The following OSBPL2 variants were observed in gnomAD, a reference collection of about 807,000 sequenced individuals.
OSBPL2 encodes oxysterol binding protein like 2, also known as oxysterol-binding protein-related protein 2.
A neutral mutation model predicts 58.4 loss-of-function variants in OSBPL2; 18 were observed. The observed-to-expected ratio is 0.31, with a 90% CI of 0.21 to 0.46. The LOEUF is 0.46. Ranked by LOEUF, OSBPL2 falls within the 20% of genes least tolerant of loss-of-function variation. OSBPL2 has a pLI of 1.00. For synonymous variants in OSBPL2, 221 were observed against 234.1 expected (o/e 0.94, Z 0.51); for missense variants, 461 against 616.5 (o/e 0.75, Z 2.67).
At chr20:62,246,659 G>A (rs1039262419) in intron 1 of OSBPL2, among the ~76,000 whole-genome samples, 3 of 152,254 alleles carry the variant, frequency 2.0e-5, no homozygotes, top group Middle Eastern at 6.8e-3. Flanking sequence ...GGTCACTCCT[G>A]CCCCAGGGCT....
chr20:62,256,255 G>A (rs1370361831), intron 2 of OSBPL2, 34 bp downstream of exon 2: 1 of 1,591,152 alleles, frequency 6.3e-7, no homozygotes, highest in Admixed American at 1.7e-5. Context: ...GGGACGTACT[G>A]GAAGGGTGAA....
chr20:62,290,101 C>T (rs1024122813), intron 12 of OSBPL2, among the ~76,000 whole-genome samples: 2 of 152,204 alleles, frequency 1.3e-5, no homozygotes, highest in African/African-American at 4.8e-5. Flanking sequence ...TCCCGGTGGG[C>T]TCTGTGCTTG....
intron 6 of OSBPL2, among the ~76,000 whole-genome samples, chr20:62,275,758 T>G (rs570953684): frequency 6.6e-6 from 1 of 152,288 alleles, no homozygotes; most frequent in African/African-American, 2.4e-5. Context: ...CAAGTCATAG[T>G]TTCATTTGCA....
At chr20:62,277,519 G>A (rs902532068) in intron 6 of OSBPL2, among the ~76,000 whole-genome samples, 4 of 152,210 alleles carry the variant, frequency 2.6e-5, no homozygotes, top group Non-Finnish European at 5.9e-5. Context: ...CATGTGCTGT[G>A]TGTCTGTGAG....
At position 62,269,746 on chromosome 20, in the gene OSBPL2, T is replaced by G. The variant is rs917912056; in HGVS notation, c.259-2379T>G. On this transcript the variant is annotated intron_variant, in intron 4 of 13. Transcript: ENST00000313733. This position sits in a 1 kb window ranked among gnomAD's most constrained non-coding sequence, Gnocchi z 4.2. ...TGCTCATTCTTTCGGGGCTTCCTTC[T>G]TTCTCTGCCACGTGTTCTTGCAGTG... Among the ~76,000 whole-genome samples, 1 of 152,236 alleles carries G rather than the reference T, an allele frequency of 6.6e-6. No homozygotes were observed. The highest frequency in any genetic ancestry group is 1.5e-5 in the Non-Finnish European group (1 of 68,038).
In OSBPL2 at chr20:62,296,113, T is replaced by C. The variant is rs1983842586; in HGVS notation, c.*2226T>C. ...TCTGCAAATGCTAACACATAAACCA[T>C]GACCTAACTTTTGTCACCTTGGATA... On this transcript the variant is annotated 3_prime_UTR_variant, in exon 14 of 14. Coordinates refer to ENST00000313733, the MANE Select transcript of OSBPL2 (RefSeq NM_144498.4). 1 of 152,268 alleles carries C rather than the reference T, an allele frequency of 6.6e-6. No homozygotes were observed. The highest frequency in any genetic ancestry group is 2.4e-5 in the African/African-American group (1 of 41,468). The allele number at this position is 152,268 out of a possible 1,614,324, so 9.4% of individuals were successfully genotyped here.
chr20:62,281,964 G>C (rs1324030754), intron 9 of OSBPL2, 85 bp downstream of exon 9: 2 of 806,494 alleles, frequency 2.5e-6, no homozygotes, highest in Non-Finnish European at 4.4e-6. Flanking sequence ...GGGCCTGCGT[G>C]TGCCTACGTG....
At position 62,269,573 on chromosome 20, in the gene OSBPL2, C is replaced by T. The variant is rs538236525; in HGVS notation, c.259-2552C>T. On this transcript the variant is annotated intron_variant, in intron 4 of 13. Transcript: ENST00000313733. The surrounding 1 kb of genome is among the most constrained non-coding windows in gnomAD (Gnocchi z 4.2). ...TCTCCCCCATGCTCAGGGCTGCCACCGGCCGCACTTCCCGGCCTCCCTGGT... is the reference window on the plus strand; with the variant it reads ...TCTCCCCCATGCTCAGGGCTGCCACTGGCCGCACTTCCCGGCCTCCCTGGT... Among the ~76,000 whole-genome samples, 20 of 152,334 alleles carry T rather than the reference C, an allele frequency of 1.3e-4. No homozygotes were observed. The East Asian group carries it at 3.5e-3, about 26-fold the overall frequency.
intron 4 of OSBPL2, 29 bp downstream of exon 4, chr20:62,263,720 G>C: frequency 6.3e-7 from 1 of 1,585,918 alleles, no homozygotes; most frequent in Non-Finnish European, 8.7e-7. Context: ...GTTCACACAT[G>C]GGGCTGCACC....
chr20:62,287,619 A>G (rs986001548), intron 11 of OSBPL2, among the ~76,000 whole-genome samples: 1 of 152,010 alleles, frequency 6.6e-6, no homozygotes, highest in Admixed American at 6.6e-5. Context: ...ACCATGCCAG[A>G]CTAATTTTCT....
At chr20:62,290,306 G>A (rs1036541165) in intron 12 of OSBPL2, among the ~76,000 whole-genome samples, 31 of 152,094 alleles carry the variant, frequency 2.0e-4, no homozygotes, top group Non-Finnish European at 4.3e-4. Context: ...TGTGATCTTG[G>A]CTCACTGCAG....
At chr20:62,283,343 A>G (rs904077362) in intron 9 of OSBPL2, among the ~76,000 whole-genome samples, 1 of 152,130 alleles carries the variant, frequency 6.6e-6, no homozygotes, top group Admixed American at 6.5e-5. Context: ...CACTGCAGTG[A>G]CACCGTCCCC....
At chr20:62,280,464 A>G (rs567025617) in intron 7 of OSBPL2, among the ~76,000 whole-genome samples, 1 of 152,260 alleles carries the variant, frequency 6.6e-6, no homozygotes, top group East Asian at 1.9e-4. Context: ...CCCCCAGGAA[A>G]TTGAGAGAAT....
chr20:62,266,510 A>G (rs1287112498), intron 4 of OSBPL2, among the ~76,000 whole-genome samples: 1 of 152,040 alleles, frequency 6.6e-6, no homozygotes, highest in East Asian at 1.9e-4. Context: ...ATCCGCAGTG[A>G]TTGGCTGTGG....
chr20:62,248,408 G>A (rs1409172618), intron 1 of OSBPL2, among the ~76,000 whole-genome samples: 6 of 151,958 alleles, frequency 3.9e-5, no homozygotes, highest in Non-Finnish European at 4.4e-5. Flanking sequence ...CGTCCACCTC[G>A]GCCTCCCAAA....
intron 7 of OSBPL2, among the ~76,000 whole-genome samples, chr20:62,280,653 C>T (rs77090580): frequency 0.011 from 1,621 of 152,268 alleles, 39 homozygotes; most frequent in African/African-American, 0.037. Flanking sequence ...ATGTGGAGTG[C>T]GGTTGAAAAC....
intron 1 of OSBPL2, among the ~76,000 whole-genome samples, chr20:62,247,888 C>T (rs1430820762): frequency 6.6e-6 from 1 of 151,862 alleles, no homozygotes; most frequent in Admixed American, 6.6e-5. Context: ...TGGTCTCGAA[C>T]TCCTGACCTT....
chr20:62,277,369 C>T (rs1189106252), intron 6 of OSBPL2, among the ~76,000 whole-genome samples: 1 of 152,272 alleles, frequency 6.6e-6, no homozygotes, highest in East Asian at 1.9e-4. Context: ...GCGGGGCGTG[C>T]CGCCAGCACC....
At chr20:62,286,512 G>C in intron 10 of OSBPL2, 71 bp from the exon 11 acceptor site, 1 of 1,544,758 alleles carries the variant, frequency 6.5e-7, no homozygotes, top group Non-Finnish European at 8.8e-7. Context: ...AAGGCGCTCT[G>C]AGAATAGCTG....
Sources: allele counts gnomAD v4.1 joint callset (sites outside exome capture counted in the v4.1 genomes callset), GRCh38; gene constraint gnomAD v4.1.1; non-coding constraint Gnocchi (gnomAD v3.1); transcripts MANE v1.5; gene names NCBI Gene and HGNC (gene_info 2026-07-23, HGNC 2026-07-21).